The following GALNTL6 variants were observed in gnomAD, a reference collection of about 807,000 sequenced individuals.
GALNTL6 encodes polypeptide N-acetylgalactosaminyltransferase like 6, also known as polypeptide N-acetylgalactosaminyltransferase-like 6.
In GALNTL6, 46 loss-of-function variants were observed where a neutral mutation model predicts 73.7. The observed-to-expected ratio is 0.62, with a 90% CI of 0.49 to 0.80. The LOEUF (loss-of-function observed/expected upper bound fraction) is 0.80. GALNTL6 is among the 30% of genes least tolerant of loss of function. GALNTL6 has a pLI of 0.00. For missense variants in GALNTL6, 604 were observed against 755.0 expected, an observed-to-expected ratio of 0.80 and a Z score of 2.34; for synonymous variants, 259 against 263.7, an observed-to-expected ratio of 0.98 and a Z score of 0.17.
intron 2 of GALNTL6, among the ~76,000 whole-genome samples, chr4:171,874,609 G>T (rs74459135): frequency 6.6e-6 from 1 of 152,098 alleles, no homozygotes; most frequent in Non-Finnish European, 1.5e-5. Flanking sequence ...ATGGGGTCCC[G>T]TAAAATCATG....
At chr4:172,262,690 T>C (rs1294834913) in intron 3 of GALNTL6, among the ~76,000 whole-genome samples, 2 of 151,112 alleles carry the variant, frequency 1.3e-5, no homozygotes, top group African/African-American at 4.8e-5. Flanking sequence ...TATCTTGGTT[T>C]TTGTGTGTAT....
At chr4:172,488,684 T>G (rs972521906) in intron 5 of GALNTL6, among the ~76,000 whole-genome samples, 1 of 152,054 alleles carries the variant, frequency 6.6e-6, no homozygotes, top group Non-Finnish European at 1.5e-5. Flanking sequence ...TGTATAGTTA[T>G]TATATGACCT....
intron 2 of GALNTL6, among the ~76,000 whole-genome samples, chr4:172,145,361 C>T (rs143055128): frequency 0.012 from 1,801 of 152,130 alleles, 29 homozygotes; most frequent in African/African-American, 0.041. Context: ...AGAAGGGTCT[C>T]GATCTCCTGA....
chr4:172,841,619 A>C (rs1472083411), intron 7 of GALNTL6, among the ~76,000 whole-genome samples: 1 of 152,208 alleles, frequency 6.6e-6, no homozygotes, highest in African/African-American at 2.4e-5. Flanking sequence ...GGCATGTCTT[A>C]CACGGTGGCT....
At chr4:173,001,813 A>G (rs916818653) in intron 10 of GALNTL6, among the ~76,000 whole-genome samples, 29 of 152,312 alleles carry the variant, frequency 1.9e-4, no homozygotes, top group Non-Finnish European at 3.4e-4. Context: ...AACCACAATG[A>G]AATACCAGTT....
At chr4:172,799,110 G>C (rs1740454666) in intron 5 of GALNTL6, among the ~76,000 whole-genome samples, 2 of 152,198 alleles carry the variant, frequency 1.3e-5, no homozygotes, top group Non-Finnish European at 2.9e-5. Context: ...TGATATGATT[G>C]ATAATGAAAG....
chr4:172,153,879 C>G (rs1253457167), intron 2 of GALNTL6, among the ~76,000 whole-genome samples: 1 of 152,202 alleles, frequency 6.6e-6, no homozygotes, highest in East Asian at 1.9e-4. Flanking sequence ...GTACAATACT[C>G]TGCCACCAGG....
At chr4:172,267,368 C>T (rs1738484524) in intron 3 of GALNTL6, among the ~76,000 whole-genome samples, 1 of 152,080 alleles carries the variant, frequency 6.6e-6, no homozygotes, top group African/African-American at 2.4e-5. Flanking sequence ...GGCTCAGGCA[C>T]AAGACTGTCC....
At chr4:171,880,354 G>C (rs76728123) in intron 2 of GALNTL6, among the ~76,000 whole-genome samples, 2 of 152,202 alleles carry the variant, frequency 1.3e-5, no homozygotes, top group Admixed American at 6.5e-5. Context: ...TGCATTAGGC[G>C]TGTGAAGTCT....
At chr4:171,817,625 C>A (rs1485622523) in intron 2 of GALNTL6, among the ~76,000 whole-genome samples, 2 of 151,320 alleles carry the variant, frequency 1.3e-5, no homozygotes, top group Non-Finnish European at 3.0e-5. Flanking sequence ...ATTTTCTAGA[C>A]CTTCATTTAA....
intron 10 of GALNTL6, among the ~76,000 whole-genome samples, chr4:172,983,167 A>G (rs1351915303): frequency 6.6e-6 from 1 of 152,202 alleles, no homozygotes; most frequent in African/African-American, 2.4e-5. Context: ...TGCAAGAGAC[A>G]TTCAGGGAAG....
intron 2 of GALNTL6, among the ~76,000 whole-genome samples, chr4:172,089,429 A>G (rs1732135637): frequency 6.6e-6 from 1 of 152,156 alleles, no homozygotes; most frequent in African/African-American, 2.4e-5. Flanking sequence ...TCTGGAGTCT[A>G]TTTATTACAT....
chr4:173,021,966 C>T (rs1251478829), intron 12 of GALNTL6, among the ~76,000 whole-genome samples: 1 of 149,068 alleles, frequency 6.7e-6, no homozygotes, highest in Non-Finnish European at 1.5e-5. Flanking sequence ...TACACTCCAG[C>T]CTGGGTGACA....
chr4:172,596,857 T>C (rs1025400118), intron 5 of GALNTL6, among the ~76,000 whole-genome samples: 16 of 152,330 alleles, frequency 1.1e-4, no homozygotes, highest in African/African-American at 3.6e-4. Flanking sequence ...TTATTCAAAC[T>C]TACTATGTAG....
At chr4:172,623,335 CA>C (rs1288603788) in intron 5 of GALNTL6, among the ~76,000 whole-genome samples, 1 of 151,720 alleles carries the variant, frequency 6.6e-6, no homozygotes, top group Admixed American at 6.6e-5. Context: ...CTTTAAACTA[CA>C]GATGTCGATT....
At chr4:172,472,827 A>G (rs1036383652) in intron 5 of GALNTL6, among the ~76,000 whole-genome samples, 1 of 152,098 alleles carries the variant, frequency 6.6e-6, no homozygotes, top group African/African-American at 2.4e-5. Context: ...GTAGCATGCC[A>G]TGTCATGCAC....
intron 5 of GALNTL6, among the ~76,000 whole-genome samples, chr4:172,433,503 A>T (rs1443143755): frequency 2.6e-5 from 1 of 38,440 alleles, no homozygotes; most frequent in Non-Finnish European, 6.5e-5. Flanking sequence ...AGATTTGCGA[A>T]GATGATCATC....
chr4:172,788,661 G>A (rs1269883478), intron 5 of GALNTL6, among the ~76,000 whole-genome samples: 1 of 116,848 alleles, frequency 8.6e-6, no homozygotes, highest in African/African-American at 3.2e-5. Context: ...GACAGGGCAA[G>A]ACTCCGTCTC....
At chr4:172,797,702 C>T (rs1740358918) in intron 5 of GALNTL6, among the ~76,000 whole-genome samples, 1 of 151,988 alleles carries the variant, frequency 6.6e-6, no homozygotes, top group African/African-American at 2.4e-5. Flanking sequence ...CCACGCCCTG[C>T]TAATTTTTGT....
Sources: allele counts gnomAD v4.1 joint callset (sites outside exome capture counted in the v4.1 genomes callset), GRCh38; gene constraint gnomAD v4.1.1; transcripts MANE v1.5; gene names NCBI Gene and HGNC (gene_info 2026-07-23, HGNC 2026-07-21).